ZNF670: variants seen among roughly 807,000 people sequenced by gnomAD.
The protein encoded by ZNF670 is zinc finger protein 670.
Under a neutral mutation model 10.9 loss-of-function variants are expected in ZNF670, and 7 were observed. The observed-to-expected ratio is 0.64, with a 90% CI of 0.36 to 1.20. ZNF670 has a LOEUF of 1.20. Among genes scored for constraint, ZNF670 ranks in the 50% most tolerant of loss-of-function variants. The probability of loss-of-function intolerance (pLI) is 0.02; values close to 1 mark genes in which losing one functional copy is unlikely to be tolerated. For synonymous variants in ZNF670, 136 were observed against 152.7 expected (o/e 0.89, Z 0.81); for missense variants, 446 against 458.6 (o/e 0.97, Z 0.25).
chr1:247,049,102 T>TA (rs1670530121), intron 1 of ZNF670, among the ~76,000 whole-genome samples: 7 of 147,972 alleles, frequency 4.7e-5, no homozygotes, highest in Admixed American at 3.3e-4. Context: ...TCATTTCTTT[T>TA]TTTTTTTTTT....
At chr1:247,074,280 C>T (rs1275088718) in intron 1 of ZNF670, among the ~76,000 whole-genome samples, 1 of 152,112 alleles carries the variant, frequency 6.6e-6, no homozygotes, top group Non-Finnish European at 1.5e-5. Context: ...GGCCCCTGAA[C>T]TCTGATATAC....
chr1:247,039,352 C>T (rs1193883761), intron 2 of ZNF670, 59 bp downstream of exon 2: 15 of 1,576,074 alleles, frequency 9.5e-6, no homozygotes, highest in South Asian at 5.8e-5. Context: ...TGAGCCACCA[C>T]GCCCAGCCAA....
intron 1 of ZNF670, among the ~76,000 whole-genome samples, chr1:247,048,526 C>A (rs1670512686): frequency 6.6e-6 from 1 of 152,224 alleles, no homozygotes; most frequent in Non-Finnish European, 1.5e-5. Flanking sequence ...TGCCTGTTAC[C>A]CAGTTCCAAA....
chr1:247,044,665 C>T (rs917066316), intron 1 of ZNF670, among the ~76,000 whole-genome samples: 6 of 152,164 alleles, frequency 3.9e-5, no homozygotes, highest in African/African-American at 1.2e-4. Flanking sequence ...AACATGGCCA[C>T]AGCTGGAGGC....
rs150141536 is a variant in ZNF670 at position 247,038,023 on chromosome 1, C to T, written c.596G>A (p.Cys199Tyr). The T allele has an allele frequency of 2.5e-6, 4 of 1,613,906 alleles. No individual in the cohort carries two copies. Among genetic ancestry groups the T allele is most frequent in the Non-Finnish European group, 3.4e-6 (4 of 1,179,938 alleles). ...ATTGAAGGCTTTATCACAATGTTTA[C>T]ATTTATATGTTTTCTCTCCAGTGTA... ...STYTGEKTYK[C>Y]KHCDKAFNYS... is the part of the protein sequence containing the mutation. Residue 199 changes from cysteine (C) to tyrosine (Y), a missense_variant, in exon 4 of 4, where the codon TGT becomes TAT. Transcript: ENST00000366503.
chr1:247,075,994 TA>T (rs748466945), intron 1 of ZNF670, among the ~76,000 whole-genome samples: 63 of 152,286 alleles, frequency 4.1e-4, no homozygotes, highest in Non-Finnish European at 4.1e-4. Context: ...TCTTTGGAAA[TA>T]TTTTTTTTTA....
At chr1:247,063,577 CAA>C (rs5782410) in intron 1 of ZNF670, among the ~76,000 whole-genome samples, 22,541 of 92,648 alleles carry the variant, frequency 0.24, 2,653 homozygotes, top group African/African-American at 0.45. Flanking sequence ...AGCGAGACAC[CAA>C]AAAAAAAAAA....
At chr1:247,058,249 A>G (rs958690637) in intron 1 of ZNF670, among the ~76,000 whole-genome samples, 2 of 152,224 alleles carry the variant, frequency 1.3e-5, no homozygotes, top group African/African-American at 4.8e-5. Flanking sequence ...CATCCAAATA[A>G]TTGAAGATTA....
Position 247,038,130 on chromosome 1 carries a change from G to A in ZNF670, c.489C>T (p.His163=). The change falls in exon 4 of 4, where the codon CAC becomes CAT. Residue 163 remains histidine, a synonymous_variant. Transcript: ENST00000366503. ...LTSVDRHMVT[H]TSNGPYKGPV... is the part of the protein sequence containing the mutation. ...GACCCTTATAAGGCCCATTACTAGT[G>A]TGTGTTACCATGTGTCTGTCAACAC... 2 of 1,614,130 alleles carry A rather than the reference G, an allele frequency of 1.2e-6. No homozygotes were observed. The highest frequency in any genetic ancestry group is 1.3e-5 in the African/African-American group (1 of 75,048).
rs370099196 is a variant in ZNF670 at position 247,078,674 on chromosome 1, C to T, written c.-78G>A. The T allele has an allele frequency of 1.9e-6, 3 of 1,547,738 alleles. No homozygotes were observed. The highest frequency in any genetic ancestry group is 2.7e-5 in the African/African-American group (2 of 73,270). ...GGTCCCAGAGCAACAGAAGCTGCCG[C>T]GGGACCACTTGGACCTCCCAGGGAT... On this transcript the variant is annotated 5_prime_UTR_variant, in exon 1 of 4. Transcript: ENST00000366503.
rs953385273 is a variant in ZNF670 at position 247,039,666 on chromosome 1, G to C, written c.4-129C>G. On this transcript the variant is annotated intron_variant, in intron 1 of 3. Transcript: ENST00000366503. Reference sequence around the variant, plus strand: ...CATTTCTTCCATGACCTGGTCATCAGAACTTTACTCTCTGTCTGCACTTAC... The same window carrying C: ...CATTTCTTCCATGACCTGGTCATCACAACTTTACTCTCTGTCTGCACTTAC... The C allele has an allele frequency of 2.9e-6, 3 of 1,034,890 alleles. No individual in the cohort carries two copies. In the African/African-American group the frequency reaches 5.0e-5, roughly 17 times the overall value. 64.1% of individuals were successfully genotyped at this position (1,034,890 alleles called of 1,614,324 possible).
At chr1:247,063,766 C>A (rs1265629830) in intron 1 of ZNF670, among the ~76,000 whole-genome samples, 1 of 151,902 alleles carries the variant, frequency 6.6e-6, no homozygotes, top group Non-Finnish European at 1.5e-5. Flanking sequence ...CACAACTACC[C>A]CTCCACACAA....
intron 1 of ZNF670, among the ~76,000 whole-genome samples, chr1:247,064,132 G>C (rs1171683054): frequency 6.6e-6 from 1 of 152,196 alleles, no homozygotes; most frequent in African/African-American, 2.4e-5. Context: ...GAGTGTCCCT[G>C]CATCTTTTCC....
chr1:247,053,361 G>A (rs972437462), intron 1 of ZNF670, among the ~76,000 whole-genome samples: 7 of 152,168 alleles, frequency 4.6e-5, no homozygotes, highest in Admixed American at 6.5e-5. Flanking sequence ...AGGCCGGCGC[G>A]GTGGCTCACG....
In ZNF670 at chr1:247,037,718, T is replaced by C. The variant is rs745606608; in HGVS notation, c.901A>G (p.Arg301Gly). The change falls in exon 4 of 4, where the codon AGG (arginine) becomes GGG (glycine). Residue 301 changes from arginine (R) to glycine (G), a missense_variant. Physicochemically the swap from Arg to Gly is moderately radical, Grantham distance 125. Coordinates refer to ENST00000366503, the MANE Select transcript of ZNF670 (RefSeq NM_033213.5). The stretch of plus-strand genomic sequence containing the variant: ...TAGGGCTTTTCTCCACTGTGAGTCC[T>C]TTCATGGACTCTGAGGACTCTGGAA... ...RCSRVLRVHE[R>G]THSGEKPYEC... The C allele has an allele frequency of 6.2e-7, 1 of 1,613,946 alleles. No homozygotes were observed. Among genetic ancestry groups the C allele is most frequent in the East Asian group, 2.2e-5 (1 of 44,866 alleles).
At chr1:247,051,003 G>A (rs1670579692) in intron 1 of ZNF670, among the ~76,000 whole-genome samples, 1 of 151,340 alleles carries the variant, frequency 6.6e-6, no homozygotes, top group South Asian at 2.1e-4. Flanking sequence ...TTGAAGTTCT[G>A]TTTCATGATT....
intron 1 of ZNF670, among the ~76,000 whole-genome samples, chr1:247,063,782 G>A (rs1364607596): frequency 6.6e-6 from 1 of 152,112 alleles, no homozygotes; most frequent in Admixed American, 6.5e-5. Flanking sequence ...CACAAACCCT[G>A]CACACCAAGT....
intron 1 of ZNF670, chr1:247,043,744 C>G (rs1670373994): frequency 2.5e-6 from 1 of 407,362 alleles, no homozygotes. Flanking sequence ...TAGCGTTCAT[C>G]CTAAAACAGG....
intron 2 of ZNF670, 43 bp downstream of exon 2, chr1:247,039,368 T>G: frequency 6.3e-7 from 1 of 1,591,160 alleles, no homozygotes; most frequent in Non-Finnish European, 8.5e-7. Context: ...GCCAAAACAC[T>G]TGCGTTGTAA....
Sources: gnomAD v4.1 joint callset for allele counts (sites outside exome capture counted in the v4.1 genomes callset) on GRCh38, gnomAD v4.1.1 for gene constraint, MANE v1.5 for transcripts, NCBI Gene and HGNC (gene_info 2026-07-23, HGNC 2026-07-21) for gene names.